Variants in COL4A5 observed in about 807,000 individuals in gnomAD.
COL4A5 encodes collagen type IV alpha 5 chain.
A neutral mutation model predicts 130.2 loss-of-function variants in COL4A5; 26 were observed. That is an observed-to-expected ratio of 0.20 (90% CI 0.15 to 0.28). COL4A5 has a LOEUF of 0.28. Among genes scored for constraint, COL4A5 ranks in the 10% least tolerant of loss-of-function variants. COL4A5 has a pLI of 1.00. For synonymous variants in COL4A5, 496 were observed against 439.6 expected (o/e 1.13, Z -1.60); for missense variants, 1,131 against 1,344.3 (o/e 0.84, Z 2.48).
chrX:108,556,151 T>C (rs1457647241), intron 2 of COL4A5, among the ~76,000 whole-genome samples: 1 of 111,750 alleles, frequency 8.9e-6, no homozygotes, highest in East Asian at 2.8e-4. Context: ...TTATATCAAG[T>C]TTGTTCTTAG....
intron 21 of COL4A5, among the ~76,000 whole-genome samples, 153 bp downstream of exon 21, chrX:108,591,797 C>G: frequency 9.0e-6 from 1 of 111,430 alleles, no homozygotes; most frequent in Non-Finnish European, 1.9e-5. Flanking sequence ...CTTACATGAC[C>G]TTGGTTTCAT....
intron 1 of COL4A5, among the ~76,000 whole-genome samples, chrX:108,537,376 T>C (rs1459818080): frequency 1.8e-5 from 2 of 112,089 alleles, no homozygotes; most frequent in Non-Finnish European, 3.8e-5. Flanking sequence ...TGTTTTAATC[T>C]GTGCTCTCTC....
intron 24 of COL4A5, among the ~76,000 whole-genome samples, chrX:108,598,250 C>CTA (rs1043383042): frequency 9.0e-6 from 1 of 111,194 alleles, no homozygotes; most frequent in African/African-American, 3.3e-5. Flanking sequence ...TAACTTGTTT[C>CTA]TATATATATA....
intron 29 of COL4A5, among the ~76,000 whole-genome samples, chrX:108,612,567 G>A (rs2066855617): frequency 9.0e-6 from 1 of 111,643 alleles, no homozygotes; most frequent in Non-Finnish European, 1.9e-5. Context: ...CAAATGACAT[G>A]AAGTGCTTAG....
At chrX:108,473,336 G>T (rs1229788896) in intron 1 of COL4A5, among the ~76,000 whole-genome samples, 1 of 107,830 alleles carries the variant, frequency 9.3e-6, no homozygotes, top group African/African-American at 3.4e-5. Flanking sequence ...CCTCAGTCAG[G>T]TACTTCAGAA....
intron 29 of COL4A5, among the ~76,000 whole-genome samples, chrX:108,612,516 A>T (rs963333807): frequency 2.7e-5 from 3 of 111,910 alleles, no homozygotes; most frequent in African/African-American, 6.5e-5. Flanking sequence ...GAACAACTAG[A>T]AATAAAAATT....
chrX:108,656,694 CT>C (rs1277589146), intron 37 of COL4A5, among the ~76,000 whole-genome samples: 1 of 111,556 alleles, frequency 9.0e-6, no homozygotes, highest in Non-Finnish European at 1.9e-5. Context: ...TTAATTTTAT[CT>C]GTTTTGATGA....
At chrX:108,531,168 A>T (rs2065379246) in intron 1 of COL4A5, among the ~76,000 whole-genome samples, 1 of 86,184 alleles carries the variant, frequency 1.2e-5, no homozygotes, top group Admixed American at 1.5e-4. Flanking sequence ...ATGAGAACAC[A>T]TGGACACAGG....
At chrX:108,622,602 T>C in intron 32 of COL4A5, 74 bp from the exon 33 acceptor site, 1 of 1,102,900 alleles carries the variant, frequency 9.1e-7, no homozygotes, top group South Asian at 1.8e-5. Context: ...ATGAAACATA[T>C]CAATAATCTT....
intron 36 of COL4A5, among the ~76,000 whole-genome samples, chrX:108,634,835 A>C (rs1282913504): frequency 9.0e-6 from 1 of 111,063 alleles, no homozygotes; most frequent in Non-Finnish European, 1.9e-5. Context: ...ATCACTTTAC[A>C]TGATTTTGGT....
intron 37 of COL4A5, among the ~76,000 whole-genome samples, chrX:108,664,252 G>A (rs1190314971): frequency 9.0e-6 from 1 of 111,696 alleles, no homozygotes; most frequent in Non-Finnish European, 1.9e-5. Context: ...GAATTTGGAG[G>A]ATAAAAAAGA....
intron 2 of COL4A5, among the ~76,000 whole-genome samples, chrX:108,547,663 G>C (rs1226974321): frequency 8.9e-6 from 1 of 112,059 alleles, no homozygotes; most frequent in African/African-American, 3.2e-5. Flanking sequence ...TAAGTCTGCA[G>C]AGGTTTCTGC....
intron 1 of COL4A5, among the ~76,000 whole-genome samples, chrX:108,526,589 CTCCCTCCTTTCTTTCTTTCTTTCT>C (rs2065314883): frequency 1.6e-5 from 1 of 64,346 alleles, no homozygotes; most frequent in African/African-American, 6.2e-5. Context: ...CCCTCCCTCC[CTCCCTCCTTTCTTTCTTTCTTTCT>C]TTCTTTCTTT....
Position 108,472,708 on chromosome X carries a change from C to T in COL4A5, c.81+32502C>T, listed in dbSNP as rs1459937604. 7.2e-5 allele frequency among the ~76,000 whole-genome samples: 8 copies of T among 111,874 alleles called. No homozygotes were observed. The East Asian group carries it at 2.2e-3, about 31-fold the overall frequency. On this transcript the variant is annotated intron_variant, in intron 1 of 52. Coordinates refer to ENST00000328300, the MANE Select transcript of COL4A5 (RefSeq NM_033380.3). ...CTTTCTTGAAATTTCAGCCCATTTG[C>T]ATCTTTGAATCTAAGGTGAACCTCT...
chrX:108,688,799 G>A (rs192903565), intron 49 of COL4A5, among the ~76,000 whole-genome samples: 8 of 111,640 alleles, frequency 7.2e-5, no homozygotes, highest in African/African-American at 1.3e-4. Flanking sequence ...AAGATAGTCT[G>A]GGCTCCCAGT....
intron 37 of COL4A5, among the ~76,000 whole-genome samples, chrX:108,662,838 C>A: frequency 9.0e-6 from 1 of 111,679 alleles, no homozygotes; most frequent in Middle Eastern, 4.7e-3. Flanking sequence ...TGACTTTCTT[C>A]GCAGAATTAG....
At chrX:108,602,120 A>C (rs1165860117) in intron 27 of COL4A5, 131 bp downstream of exon 27, 1 of 442,435 alleles carries the variant, frequency 2.3e-6, no homozygotes, top group African/African-American at 2.4e-5. Flanking sequence ...AATGTAAATA[A>C]AAAATCACAG....
chrX:108,634,329 G>T (rs1946317582), intron 36 of COL4A5, among the ~76,000 whole-genome samples: 1 of 111,238 alleles, frequency 9.0e-6, no homozygotes, highest in African/African-American at 3.3e-5. Flanking sequence ...CCATTTGAGA[G>T]ACTCTAGATA....
chrX:108,617,857 TG>T (rs2066960594), intron 30 of COL4A5, among the ~76,000 whole-genome samples: 1 of 111,689 alleles, frequency 9.0e-6, no homozygotes, highest in Non-Finnish European at 1.9e-5. Context: ...TCACCACTAA[TG>T]TGAATCAAAA....
Sources: gnomAD v4.1 joint callset for allele counts (sites outside exome capture counted in the v4.1 genomes callset) on GRCh38, gnomAD v4.1.1 for gene constraint, MANE v1.5 for transcripts, NCBI Gene and HGNC (gene_info 2026-07-23, HGNC 2026-07-21) for gene names.